The following P2RX7 variants were observed in gnomAD, a reference collection of about 807,000 sequenced individuals.
P2RX7 encodes the protein P2X purinoceptor 7.
In P2RX7, 62 loss-of-function variants were observed where a neutral mutation model predicts 71.6. The observed-to-expected ratio is 0.87, with a 90% CI of 0.71 to 1.07. P2RX7 has a LOEUF of 1.07. Among genes scored for constraint, P2RX7 ranks in the 50% least tolerant of loss-of-function variants. P2RX7 has a pLI of 0.00. For missense variants in P2RX7, 686 were observed against 748.5 expected (o/e 0.92, Z 0.97); for synonymous variants, 299 against 283.3 (o/e 1.06, Z -0.56).
chr12:121,142,888 A>G (rs1240864125), intron 1 of P2RX7, among the ~76,000 whole-genome samples: 1 of 151,996 alleles, frequency 6.6e-6, no homozygotes, highest in Non-Finnish European at 1.5e-5. Flanking sequence ...CAGGAGTTCA[A>G]GACCAGCCTG....
At chr12:121,181,885 G>T (rs910736556) in intron 12 of P2RX7, among the ~76,000 whole-genome samples, 1 of 151,684 alleles carries the variant, frequency 6.6e-6, no homozygotes. Context: ...CCAACATGGC[G>T]AAACCCTGTC....
At position 121,132,984 on chromosome 12, in the gene P2RX7, G is replaced by A. The variant is rs200634328; in HGVS notation, c.14G>A (p.Cys5Tyr). 22 of 1,613,706 alleles carry A rather than the reference G, an allele frequency of 1.4e-5. No individual in the cohort carries two copies. Among genetic ancestry groups the A allele is most frequent in the Non-Finnish European group, 3.4e-6 (4 of 1,179,948 alleles). MPAC[C>Y]SCSDVFQYET... Reference sequence around the variant, plus strand: ...GAGGCTGTCACCATGCCGGCCTGCTGCAGCTGCAGTGATGTTTTCCAGTAT... The same window carrying A: ...GAGGCTGTCACCATGCCGGCCTGCTACAGCTGCAGTGATGTTTTCCAGTAT... The change falls in exon 1 of 13, where the codon TGC becomes TAC. Residue 5 changes from cysteine (C) to tyrosine (Y), a missense_variant. Transcript: ENST00000328963.
intron 3 of P2RX7, among the ~76,000 whole-genome samples, chr12:121,158,771 A>G (rs1879076279): frequency 6.6e-6 from 1 of 152,254 alleles, no homozygotes; most frequent in East Asian, 1.9e-4. Context: ...GAGCAAAATA[A>G]AACTGATTTC....
rs904798441 is a variant in P2RX7 at position 121,187,495 on chromosome 12, G to A, written c.*2693G>A. 6.6e-6 allele frequency: 1 copy of A among 152,042 alleles called. No individual in the cohort carries two copies. Among genetic ancestry groups the A allele is most frequent in the South Asian group, 2.1e-4 (1 of 4,824 alleles). 9.4% of individuals were successfully genotyped at this position (152,042 alleles called of 1,614,324 possible). A position where few individuals can be genotyped will look rare whatever the true frequency, so the allele number is the denominator to read the frequency against. Reference sequence around the variant, plus strand: ...ACTGTTACAAGTTTCCATTCTGATGGCTTCTGGGCCTTTGTACCTTTGTTT... The same window carrying A: ...ACTGTTACAAGTTTCCATTCTGATGACTTCTGGGCCTTTGTACCTTTGTTT... On this transcript the variant is annotated 3_prime_UTR_variant, in exon 13 of 13. Coordinates refer to ENST00000328963, the MANE Select transcript of P2RX7 (RefSeq NM_002562.6).
intron 1 of P2RX7, among the ~76,000 whole-genome samples, chr12:121,139,170 G>C (rs956568202): frequency 1.4e-4 from 21 of 152,162 alleles, no homozygotes; most frequent in Admixed American, 6.5e-4. Flanking sequence ...TTGAACTCCT[G>C]ACCTCAGGTG....
At chr12:121,148,651 G>C (rs1169767852) in intron 1 of P2RX7, among the ~76,000 whole-genome samples, 1 of 152,136 alleles carries the variant, frequency 6.6e-6, no homozygotes, top group East Asian at 1.9e-4. Context: ...TAATTTGTTA[G>C]AGCAACAACC....
intron 3 of P2RX7, among the ~76,000 whole-genome samples, chr12:121,158,391 T>C (rs1003364648): frequency 1.3e-5 from 2 of 152,198 alleles, no homozygotes; most frequent in African/African-American, 2.4e-5. Context: ...GCTAGACATC[T>C]CTTCCTCTCT....
intron 12 of P2RX7, among the ~76,000 whole-genome samples, chr12:121,183,590 TAC>T (rs71079032): frequency 0.37 from 42,874 of 117,282 alleles, 6,358 homozygotes; most frequent in South Asian, 0.4. Context: ...AAACAACAAA[TAC>T]ACACACACAC....
At chr12:121,133,705 C>T (rs1433613516) in intron 1 of P2RX7, among the ~76,000 whole-genome samples, 1 of 152,172 alleles carries the variant, frequency 6.6e-6, no homozygotes, top group Non-Finnish European at 1.5e-5. Flanking sequence ...AGGAATCCCA[C>T]ACTCCTTCAC....
At chr12:121,167,388 T>G in intron 7 of P2RX7, 100 bp from the exon 8 acceptor site, 3 of 1,419,906 alleles carry the variant, frequency 2.1e-6, no homozygotes, top group Non-Finnish European at 2.9e-6. Context: ...GCATTTTTCC[T>G]CTAAAAACCT....
chr12:121,180,489 TAAGAAAA>T, intron 12 of P2RX7, 34 bp downstream of exon 12: 1 of 1,013,748 alleles, frequency 9.9e-7, no homozygotes, highest in Non-Finnish European at 1.5e-6. Flanking sequence ...TTTTTTTTTT[TAAGAAAA>T]TTTACTGTTA....
At chr12:121,141,204 C>T (rs1874774672) in intron 1 of P2RX7, among the ~76,000 whole-genome samples, 1 of 152,214 alleles carries the variant, frequency 6.6e-6, no homozygotes, top group Admixed American at 6.5e-5. Context: ...TAGCTGGAAA[C>T]ATATCATGTC....
intron 8 of P2RX7, among the ~76,000 whole-genome samples, chr12:121,169,526 T>C (rs959377563): frequency 1.3e-5 from 2 of 152,178 alleles, no homozygotes; most frequent in Non-Finnish European, 2.9e-5. Flanking sequence ...TATATATTAC[T>C]CAAAGCAGCT....
chr12:121,147,097 G>GT lies in P2RX7; in HGVS notation c.126-7680dup, dbSNP rs200595798. 4.6e-3 allele frequency among the ~76,000 whole-genome samples: 705 copies of GT among 152,132 alleles called. 3 individuals are homozygous for GT. The highest frequency in any genetic ancestry group is 7.3e-3 in the Non-Finnish European group (498 of 68,000). ...TCAACCACAAAAATTAATTGTGTGG[G>GT]TTTTTTTTACACCAGCAATGAACAT... On this transcript the variant is annotated intron_variant, in intron 1 of 12. Transcript: ENST00000328963.
intron 4 of P2RX7, 28 bp from the exon 5 acceptor site, chr12:121,162,396 T>C (rs774051462): frequency 1.2e-6 from 2 of 1,613,038 alleles, no homozygotes; most frequent in Non-Finnish European, 1.7e-6. Flanking sequence ...TTCACATCTG[T>C]GGTTCTACGA....
intron 5 of P2RX7, among the ~76,000 whole-genome samples, chr12:121,162,918 C>T (rs1302021003): frequency 4.0e-5 from 6 of 149,300 alleles, no homozygotes; most frequent in Admixed American, 6.7e-5. Flanking sequence ...AAGGGAAGGA[C>T]GAAGCGAGGA....
intron 1 of P2RX7, among the ~76,000 whole-genome samples, chr12:121,136,026 AT>A (rs1308487152): frequency 1.2e-4 from 14 of 115,132 alleles, no homozygotes; most frequent in African/African-American, 4.3e-4. Flanking sequence ...AAAAAAAAAT[AT>A]ATATATATAT....
chr12:121,167,361 A>T, intron 7 of P2RX7, 127 bp from the exon 8 acceptor site: 2 of 1,055,110 alleles, frequency 1.9e-6, no homozygotes, highest in Non-Finnish European at 2.8e-6. Context: ...GGGGCTGTAC[A>T]TATGGTTCTT....
Position 121,162,458 on chromosome 12 carries a change from G to A in P2RX7, c.471G>A (p.Gly157=). The part of the protein sequence containing the change: ...IQTGRCVVYE[G]NQKTCEVSAW... ...CCGGAAGGTGTGTAGTGTATGAAGG[G>A]AACCAGAAGACCTGTGAAGTCTCTG... Residue 157 remains glycine, a synonymous_variant, in exon 5 of 13, where the codon GGG becomes GGA. Coordinates refer to ENST00000328963, the MANE Select transcript of P2RX7 (RefSeq NM_002562.6). 6.2e-7 allele frequency: 1 copy of A among 1,613,942 alleles called. No homozygotes were observed. Among genetic ancestry groups the A allele is most frequent in the Non-Finnish European group, 8.5e-7 (1 of 1,179,994 alleles).
Sources: gnomAD v4.1 joint callset for allele counts (sites outside exome capture counted in the v4.1 genomes callset) on GRCh38, gnomAD v4.1.1 for gene constraint, MANE v1.5 for transcripts, NCBI Gene and HGNC (gene_info 2026-07-23, HGNC 2026-07-21) for gene names.